Variants in ATXN10 observed in about 807,000 individuals in gnomAD.
ATXN10 encodes ataxin 10.
A neutral mutation model predicts 52.9 loss-of-function variants in ATXN10; 28 were observed. That is an observed-to-expected ratio of 0.53 (90% CI 0.39 to 0.73). ATXN10 has a LOEUF of 0.73. Among genes scored for constraint, ATXN10 ranks in the 30% least tolerant of loss-of-function variants. ATXN10 has a pLI of 0.00. For missense variants in ATXN10, 565 were observed against 577.0 expected (o/e 0.98, Z 0.21); for synonymous variants, 226 against 221.5 (o/e 1.02, Z -0.18).
rs182582090 is a variant in ATXN10 at position 45,759,369 on chromosome 22, G to T, written c.1173+18831G>T. Among the ~76,000 whole-genome samples, 13 of 152,100 alleles carry T rather than the reference G, an allele frequency of 8.5e-5. No homozygotes were observed. The highest frequency in any genetic ancestry group is 3.1e-4 in the African/African-American group (13 of 41,416). ...TCTACTAAAAATACAAAAAGTAGCC[G>T]GGCGTGGTGGCGCATGCCTGTAATC... On this transcript the variant is annotated intron_variant, in intron 9 of 11. Transcript: ENST00000252934. The surrounding 1 kb of genome is among the most constrained non-coding windows in gnomAD (Gnocchi z 5.4).
At position 45,825,475 on chromosome 22, in the gene ATXN10, C is replaced by A. The variant is rs756958522; in HGVS notation, c.1238-17516C>A. Among the ~76,000 whole-genome samples the A allele has an allele frequency of 2.0e-5, 3 of 152,038 alleles. No individual in the cohort carries two copies. Among genetic ancestry groups the A allele is most frequent in the African/African-American group, 7.2e-5 (3 of 41,382 alleles). ...ACCTGAGAAGATCTTAAATTTACACCTCAGGCTTATCCTTGGCACAGAGAC... is the reference window on the plus strand; with the variant it reads ...ACCTGAGAAGATCTTAAATTTACACATCAGGCTTATCCTTGGCACAGAGAC... On this transcript the variant is annotated intron_variant, in intron 10 of 11. Coordinates refer to ENST00000252934, the MANE Select transcript of ATXN10 (RefSeq NM_013236.4). The surrounding 1 kb of genome is among the most constrained non-coding windows in gnomAD (Gnocchi z 4.5).
rs762580515 is a variant in ATXN10, at chr22:45,754,912, G to T, written c.1173+14374G>T. 2.0e-5 allele frequency among the ~76,000 whole-genome samples: 3 copies of T among 152,184 alleles called. No individual in the cohort carries two copies. The highest frequency in any genetic ancestry group is 4.4e-5 in the Non-Finnish European group (3 of 68,030). On this transcript the variant is annotated intron_variant, in intron 9 of 11. Transcript: ENST00000252934. This position sits in a 1 kb window ranked among gnomAD's most constrained non-coding sequence, Gnocchi z 5.4. ...CTTGGGCAGGCAGCCACCATGAAGG[G>T]GTGCCAAGAGTATGAGAAGCATGAG...
chr22:45,725,982 C>G (rs924835311), intron 6 of ATXN10, among the ~76,000 whole-genome samples: 1 of 152,090 alleles, frequency 6.6e-6, no homozygotes, highest in African/African-American at 2.4e-5. Flanking sequence ...TGAACCATCC[C>G]TACATCCTAA....
chr22:45,785,015 C>T (rs1927275275), intron 9 of ATXN10, among the ~76,000 whole-genome samples: 1 of 152,186 alleles, frequency 6.6e-6, no homozygotes. Flanking sequence ...GTAGCAGAGG[C>T]AGAATGCATA....
chr22:45,793,582 G>T (rs1927594762), intron 9 of ATXN10: 13 of 1,303,404 alleles, frequency 1.0e-5, no homozygotes, highest in Non-Finnish European at 1.2e-5. Context: ...TAGAATTCTG[G>T]AGCCTGCACC....
intron 10 of ATXN10, among the ~76,000 whole-genome samples, chr22:45,809,019 G>A (rs976290919): frequency 8.5e-5 from 13 of 152,158 alleles, no homozygotes; most frequent in Admixed American, 7.9e-4. Flanking sequence ...GATTTTAAAG[G>A]CATATAAAAT....
chr22:45,801,024 T>C (rs894245111), intron 9 of ATXN10, among the ~76,000 whole-genome samples: 8 of 152,322 alleles, frequency 5.3e-5, no homozygotes, highest in Middle Eastern at 6.8e-3. Flanking sequence ...CTCAATAAAA[T>C]GCCTTTTAGA....
chr22:45,700,067 C>T (rs1347417872), intron 3 of ATXN10, among the ~76,000 whole-genome samples: 3 of 152,092 alleles, frequency 2.0e-5, no homozygotes, highest in Non-Finnish European at 4.4e-5. Flanking sequence ...CCGCCTTGGC[C>T]TCCCAAAGTG....
intron 10 of ATXN10, among the ~76,000 whole-genome samples, chr22:45,836,574 A>G (rs1426143958): frequency 6.6e-6 from 1 of 152,158 alleles, no homozygotes; most frequent in African/African-American, 2.4e-5. Context: ...TCAGTAAGAA[A>G]GTTCTTAGAG....
chr22:45,683,646 T>G lies in ATXN10; in HGVS notation c.117-6066T>G, dbSNP rs1555887335. Among the ~76,000 whole-genome samples, 1 of 152,230 alleles carries G rather than the reference T, an allele frequency of 6.6e-6. No individual in the cohort carries two copies. The highest frequency in any genetic ancestry group is 1.5e-5 in the Non-Finnish European group (1 of 68,042). ...TCTTTCTCTAAGCATGTAAAGACAT[T>G]CTCCTTATATTTTCTTCCAAAGCCT... On this transcript the variant is annotated intron_variant, in intron 1 of 11. Coordinates refer to ENST00000252934, the MANE Select transcript of ATXN10 (RefSeq NM_013236.4). This position sits in a 1 kb window ranked among gnomAD's most constrained non-coding sequence, Gnocchi z 4.8.
rs908977910 is a variant in ATXN10, at chr22:45,718,303, T to G, written c.648-110T>G. The G allele has an allele frequency of 1.0e-5, 9 of 864,110 alleles. No homozygotes were observed. Among genetic ancestry groups the G allele is most frequent in the Admixed American group, 3.5e-5 (2 of 57,218 alleles). 53.5% of individuals were successfully genotyped at this position (864,110 alleles called of 1,614,324 possible). A position where few individuals can be genotyped will look rare whatever the true frequency, so the allele number is the denominator to read the frequency against. On this transcript the variant is annotated intron_variant, in intron 5 of 11. Coordinates refer to ENST00000252934, the MANE Select transcript of ATXN10 (RefSeq NM_013236.4). This position sits in a 1 kb window ranked among gnomAD's most constrained non-coding sequence, Gnocchi z 4.4. The stretch of plus-strand genomic sequence containing the variant: ...TTTAAGATTACAGCAAATCAAAAAT[T>G]CACTGAAAAGAAATGCTTTTGTGTG...
rs1416038094 is a variant in ATXN10 at position 45,689,763 on chromosome 22, ATCT to A, written c.172_174del (p.Ser58del). 1.2e-6 allele frequency: 2 copies of A among 1,614,166 alleles called. No individual in the cohort carries two copies. Among genetic ancestry groups the A allele is most frequent in the South Asian group, 1.1e-5 (1 of 91,074 alleles). On this transcript the variant is annotated inframe_deletion, in exon 2 of 12. Coordinates refer to ENST00000252934, the MANE Select transcript of ATXN10 (RefSeq NM_013236.4). ...AAAGAGTTCTGGATATCCTAAAGAA[ATCT>A]TCTCATGCTGTTGAGCTTGCCTGCA... is the stretch of plus-strand genomic sequence containing the variant.
chr22:45,720,708 G>A lies in ATXN10; in HGVS notation c.728+2215G>A, dbSNP rs1234139371. ...GAGGAAGTTTGGGCAAGGATATGGA[G>A]AAATTGGAACCCTTGTGCACTGTTT... On this transcript the variant is annotated intron_variant, in intron 6 of 11. Coordinates refer to ENST00000252934, the MANE Select transcript of ATXN10 (RefSeq NM_013236.4). 4.6e-5 allele frequency among the ~76,000 whole-genome samples: 7 copies of A among 152,314 alleles called. No individual in the cohort carries two copies. In the East Asian group the frequency reaches 1.3e-3, roughly 29 times the overall value.
intron 6 of ATXN10, among the ~76,000 whole-genome samples, chr22:45,726,202 C>T (rs758641839): frequency 1.3e-5 from 2 of 152,146 alleles, no homozygotes; most frequent in Admixed American, 6.5e-5. Flanking sequence ...AGGATTCTCT[C>T]TTTCTCAACC....
At chr22:45,801,665 A>G (rs1305862581) in intron 9 of ATXN10, among the ~76,000 whole-genome samples, 1 of 152,198 alleles carries the variant, frequency 6.6e-6, no homozygotes, top group East Asian at 1.9e-4. Context: ...CCCCATATCT[A>G]CCAAATTTCT....
intron 4 of ATXN10, among the ~76,000 whole-genome samples, chr22:45,700,626 T>C (rs974844380): frequency 3.3e-5 from 5 of 152,216 alleles, no homozygotes; most frequent in Non-Finnish European, 7.3e-5. Flanking sequence ...ACTTTGTTCA[T>C]TGAGCTGTAT....
At position 45,819,192 on chromosome 22, in the gene ATXN10, A is replaced by AAATAGAATAGAATAG. The variant is rs56195245; in HGVS notation, c.1237+12216_1237+12230dup. 0.022 allele frequency among the ~76,000 whole-genome samples: 3,302 copies of AAATAGAATAGAATAG among 147,582 alleles called. 71 individuals carry two copies. The highest frequency in any genetic ancestry group is 0.024 in the African/African-American group (939 of 39,670). ...TCTGTAGTATGAAGAATAGAATAGA[A>AAATAGAATAGAATAG]AATAGAATAGAATAGAATAGAATAG... On this transcript the variant is annotated intron_variant, in intron 10 of 11. Transcript: ENST00000252934. This position sits in a 1 kb window ranked among gnomAD's most constrained non-coding sequence, Gnocchi z 4.5.
In ATXN10 at chr22:45,818,622, TGGGGCAGGGATCAGGGATCAG is replaced by T. The variant is rs1928544651; in HGVS notation, c.1237+11614_1237+11634del. Among the ~76,000 whole-genome samples the T allele has an allele frequency of 6.7e-6, 1 of 150,114 alleles. No homozygotes were observed. The highest frequency in any genetic ancestry group is 2.5e-5 in the African/African-American group (1 of 39,786). ...GGGCAGGGATCAGGGATCAACAGCC[TGGGGCAGGGATCAGGGATCAG>T]GGGGCAGGGATCATCACGCAGGAAG... is the stretch of plus-strand genomic sequence containing the variant. On this transcript the variant is annotated intron_variant, in intron 10 of 11. Transcript: ENST00000252934. This position sits in a 1 kb window ranked among gnomAD's most constrained non-coding sequence, Gnocchi z 4.6.
intron 5 of ATXN10, 92 bp downstream of exon 5, chr22:45,702,939 A>G: frequency 6.8e-7 from 1 of 1,477,736 alleles, no homozygotes; most frequent in East Asian, 2.3e-5. Flanking sequence ...GGACATTGTG[A>G]TAATTGAACG....
Sources: allele counts gnomAD v4.1 joint callset (sites outside exome capture counted in the v4.1 genomes callset), GRCh38; gene constraint gnomAD v4.1.1; non-coding constraint Gnocchi (gnomAD v3.1); transcripts MANE v1.5; gene names NCBI Gene and HGNC (gene_info 2026-07-23, HGNC 2026-07-21).